The following ANKRD26 variants were observed in gnomAD, a reference collection of about 807,000 sequenced individuals.
The protein encoded by ANKRD26 is ankyrin repeat domain 26, also known as ankyrin repeat domain-containing protein 26.
A neutral mutation model predicts 208.7 loss-of-function variants in ANKRD26; 141 were observed. The observed-to-expected ratio is 0.68, with a 90% CI of 0.59 to 0.78. The LOEUF is 0.78. Among genes scored for constraint, ANKRD26 ranks in the 30% least tolerant of loss-of-function variants. The pLI, the probability that ANKRD26 is intolerant of heterozygous loss-of-function variation, is 0.00. For synonymous variants in ANKRD26, 636 were observed against 660.4 expected (o/e 0.96, Z 0.57); for missense variants, 1,889 against 1,938.7 (o/e 0.97, Z 0.48).
At chr10:27,053,790 A>C (rs949437986) in intron 15 of ANKRD26, among the ~76,000 whole-genome samples, 3 of 152,236 alleles carry the variant, frequency 2.0e-5, no homozygotes, top group Non-Finnish European at 4.4e-5. Context: ...AACATAAATA[A>C]GCTAAACTGT....
chr10:27,028,951 A>G lies in ANKRD26; in HGVS notation c.3879-6T>C. 1.3e-6 allele frequency: 2 copies of G among 1,595,416 alleles called. No homozygotes were observed. Among genetic ancestry groups the G allele is most frequent in the Non-Finnish European group, 1.7e-6 (2 of 1,165,652 alleles). On this transcript the variant is annotated splice_region_variant and splice_polypyrimidine_tract_variant and intron_variant, in intron 26 of 33. Coordinates refer to ENST00000376087, the MANE Select transcript of ANKRD26 (RefSeq NM_014915.3). ...TGGCATTATCTTTTTCAAGCCTGAA[A>G]TGTATATTTTAAAATAATTATTCTC... is the stretch of plus-strand genomic sequence containing the variant.
At chr10:26,988,092 T>G (rs1039833967), downstream of ANKRD26, among the ~76,000 whole-genome samples, 10 of 152,174 alleles carry the variant, frequency 6.6e-5, no homozygotes, top group African/African-American at 2.4e-4. Context: ...ATTGTCCCTC[T>G]GGAGTAAACA....
the ANKRD26 span, among the ~76,000 whole-genome samples, chr10:26,954,784 A>G: frequency 1.3e-5 from 2 of 152,098 alleles, no homozygotes; most frequent in East Asian, 1.9e-4. Flanking sequence ...GAGAATCTAA[A>G]GCATGTTCAA....
intron 6 of ANKRD26, chr10:27,080,747 G>A: frequency 2.0e-6 from 2 of 985,470 alleles, no homozygotes; most frequent in Non-Finnish European, 2.4e-6. Flanking sequence ...ATGCCCAAGA[G>A]TAGAAGCTCT....
At position 27,033,351 on chromosome 10, in the gene ANKRD26, T is replaced by C; in HGVS notation, c.3681A>G (p.Glu1227=). ...REVVVRQLQQ[E]LADTLKKQSM... is the part of the protein sequence containing the mutation. ...ATTGTTTTTTTAGGGTATCAGCTAG[T>C]TCTTGTTGAAGTTGTCTCACAACAA... Residue 1227 remains glutamate, a synonymous_variant, in exon 25 of 34, where the codon GAA becomes GAG. Transcript: ENST00000376087. 1.2e-6 allele frequency: 2 copies of C among 1,610,374 alleles called. No homozygotes were observed. Among genetic ancestry groups the C allele is most frequent in the South Asian group, 2.2e-5 (2 of 90,464 alleles).
Position 27,048,647 on chromosome 10 carries a change from T to C in ANKRD26, c.1814+154A>G, listed in dbSNP as rs182781707. On this transcript the variant is annotated intron_variant, in intron 17 of 33. Coordinates refer to ENST00000376087, the MANE Select transcript of ANKRD26 (RefSeq NM_014915.3). The stretch of plus-strand genomic sequence containing the variant: ...ATGATTGAAAAAACTGGTATCTCAT[T>C]GTTTGCTAATTTGCATTTTTCTAAT... Among the ~76,000 whole-genome samples the C allele has an allele frequency of 9.5e-4, 144 of 152,316 alleles. No individual in the cohort carries two copies. The Middle Eastern group carries it at 0.02, about 22-fold the overall frequency.
downstream of ANKRD26, among the ~76,000 whole-genome samples, chr10:26,988,882 A>AC (rs2052436914): frequency 6.6e-6 from 1 of 151,102 alleles, no homozygotes; most frequent in Non-Finnish European, 1.5e-5. Flanking sequence ...CTCTTCTCAA[A>AC]AAAAAAAAAA....
the ANKRD26 span, among the ~76,000 whole-genome samples, chr10:26,966,616 A>C: frequency 2.4e-3 from 367 of 152,266 alleles, 2 homozygotes; most frequent in South Asian, 0.016. Flanking sequence ...AGAAATAAAG[A>C]AAAAAATTGT....
intron 11 of ANKRD26, among the ~76,000 whole-genome samples, chr10:27,064,408 T>C (rs1390524623): frequency 6.6e-6 from 1 of 152,184 alleles, no homozygotes; most frequent in East Asian, 1.9e-4. Context: ...CTAACTCTAC[T>C]TTGTATTCCC....
intron 15 of ANKRD26, among the ~76,000 whole-genome samples, chr10:27,057,079 T>C (rs1030949117): frequency 6.6e-6 from 1 of 152,238 alleles, no homozygotes; most frequent in Non-Finnish European, 1.5e-5. Context: ...CAAGTCTTAT[T>C]ACTGAGGGTC....
chr10:26,995,208 A>G (rs772945443), intron 4 of ANKRD26: 1 of 470,638 alleles, frequency 2.1e-6, no homozygotes, highest in African/African-American at 2.0e-5. Context: ...TTGGAGATAA[A>G]AGCAAAACTT....
rs2053527362 is a variant in ANKRD26 at position 27,022,625 on chromosome 10, C to T, written c.4148G>A (p.Ser1383Asn). ...KLNEYENGEF[S>N]FHGDLKTSQF... ...ACTAGTTTTTAAATCTCCATGGAAA[C>T]TAAATTCTCCATTTTCATATTCATT... The change falls in exon 29 of 34, where the codon AGT becomes AAT. Residue 1383 changes from serine (S) to asparagine (N), a missense_variant. By Grantham distance (46) the Ser-to-Asn change is conservative (BLOSUM62 1). Coordinates refer to ENST00000376087, the MANE Select transcript of ANKRD26 (RefSeq NM_014915.3). 1.3e-6 allele frequency: 2 copies of T among 1,569,694 alleles called. No individual in the cohort carries two copies. Among genetic ancestry groups the T allele is most frequent in the African/African-American group, 1.4e-5 (1 of 73,934 alleles).
At chr10:27,051,377 G>C (rs1364763948) in intron 16 of ANKRD26, 1 of 1,215,804 alleles carries the variant, frequency 8.2e-7, no homozygotes, top group Non-Finnish European at 1.0e-6. Context: ...CTTTGGAGCA[G>C]ATCAAATCAA....
chr10:27,095,354 T>C (rs1218318437), intron 1 of ANKRD26, among the ~76,000 whole-genome samples: 1 of 152,238 alleles, frequency 6.6e-6, no homozygotes, highest in Non-Finnish European at 1.5e-5. Flanking sequence ...TATAATTTTC[T>C]ACCTTCAGAA....
At chr10:27,020,917 T>C (rs1013513344) in intron 29 of ANKRD26, among the ~76,000 whole-genome samples, 2 of 152,128 alleles carry the variant, frequency 1.3e-5, no homozygotes, top group African/African-American at 4.8e-5. Flanking sequence ...CTACCTTGGC[T>C]TCCAAAATGC....
At chr10:27,011,013 G>A (rs759910268) in intron 32 of ANKRD26, among the ~76,000 whole-genome samples, 28 of 152,124 alleles carry the variant, frequency 1.8e-4, no homozygotes, top group African/African-American at 4.8e-5. Flanking sequence ...CCACTTGGCT[G>A]CAGTGCTGTC....
At chr10:27,094,741 C>A (rs73596353) in intron 1 of ANKRD26, among the ~76,000 whole-genome samples, 7,155 of 152,268 alleles carry the variant, frequency 0.047, 206 homozygotes, top group African/African-American at 0.077. Context: ...GCGGCTCATG[C>A]CTGAATCCCA....
chr10:27,100,437 A>G lies in ANKRD26; in HGVS notation c.-111T>C. 6.7e-7 allele frequency: 1 copy of G among 1,492,858 alleles called. No homozygotes were observed. The highest frequency in any genetic ancestry group is 8.9e-7 in the Non-Finnish European group (1 of 1,118,460). 92.5% of individuals were successfully genotyped at this position (1,492,858 alleles called of 1,614,324 possible). A position where few individuals can be genotyped will look rare whatever the true frequency, so the allele number is the denominator to read the frequency against. ...GGCTGGCCGCAGCCTCCCAAAGGAAACTCCGCGGTTTCCAATCTCTCCCTC... is the reference window on the plus strand; with the variant it reads ...GGCTGGCCGCAGCCTCCCAAAGGAAGCTCCGCGGTTTCCAATCTCTCCCTC... On this transcript the variant is annotated 5_prime_UTR_variant, in exon 1 of 34. Transcript: ENST00000376087.
intron 30 of ANKRD26, among the ~76,000 whole-genome samples, chr10:27,016,651 G>C (rs991345271): frequency 3.3e-5 from 5 of 151,880 alleles, no homozygotes; most frequent in African/African-American, 1.2e-4. Flanking sequence ...ATGAAGTAGG[G>C]GGAATTAACT....
Sources: gnomAD v4.1 joint callset for allele counts (sites outside exome capture counted in the v4.1 genomes callset) on GRCh38, gnomAD v4.1.1 for gene constraint, MANE v1.5 for transcripts, NCBI Gene and HGNC (gene_info 2026-07-23, HGNC 2026-07-21) for gene names.